Variants in SUSD6 observed in about 807,000 individuals in gnomAD.
SUSD6 encodes the protein sushi domain-containing protein 6.
SUSD6 carries 16 observed loss-of-function variants against 28.4 expected under a neutral mutation model. The observed-to-expected ratio is 0.56, with a 90% confidence interval of 0.38 to 0.86. The LOEUF (loss-of-function observed/expected upper bound fraction) is 0.86, where lower values mean the gene tolerates loss of function less well. Ranked by LOEUF, SUSD6 falls within the 40% of genes least tolerant of loss-of-function variation. The pLI is 0.00. For synonymous variants in SUSD6, 147 were observed against 159.6 expected, an observed-to-expected ratio of 0.92 and a Z score of 0.59; for missense variants, 341 against 384.2, an observed-to-expected ratio of 0.89 and a Z score of 0.94.
chr14:69,660,904 C>T (rs1885652505), intron 2 of SUSD6, among the ~76,000 whole-genome samples: 1 of 152,190 alleles, frequency 6.6e-6, no homozygotes, highest in Admixed American at 6.5e-5. Context: ...GCCTGAAAAG[C>T]CTAAAATGTT....
intron 1 of SUSD6, among the ~76,000 whole-genome samples, chr14:69,623,218 G>A (rs1053740998): frequency 1.3e-5 from 2 of 152,144 alleles, no homozygotes; most frequent in Non-Finnish European, 2.9e-5. Flanking sequence ...ATGTATTTGT[G>A]TACTAATGGA....
intron 2 of SUSD6, among the ~76,000 whole-genome samples, chr14:69,661,957 G>C (rs1885668660): frequency 6.6e-6 from 1 of 151,956 alleles, no homozygotes; most frequent in African/African-American, 2.4e-5. Flanking sequence ...GCACCACCAT[G>C]CCCAGTTAAT....
chr14:69,661,365 A>G (rs903188809), intron 2 of SUSD6, among the ~76,000 whole-genome samples: 8 of 152,110 alleles, frequency 5.3e-5, no homozygotes, highest in African/African-American at 1.7e-4. Flanking sequence ...TACTGGCTGG[A>G]TAAAGGGATT....
Position 69,611,733 on chromosome 14 carries a change from G to A in SUSD6, c.-176G>A, listed in dbSNP as rs1207746773. ...AGAGCGAGCTAGACAAGGGCACGCG[G>A]GGCCTCGCCTAGACCCGAGAAGACT... On this transcript the variant is annotated 5_prime_UTR_variant, in exon 1 of 6. Coordinates refer to ENST00000342745, the MANE Select transcript of SUSD6 (RefSeq NM_014734.4). The A allele has an allele frequency of 6.6e-6, 1 of 151,346 alleles. No homozygotes were observed. Among genetic ancestry groups the A allele is most frequent in the Non-Finnish European group, 1.5e-5 (1 of 67,764 alleles). The allele number at this position is 151,346 out of a possible 1,614,324, so 9.4% of individuals were successfully genotyped here. A position where few individuals can be genotyped will look rare whatever the true frequency, so the allele number is the denominator to read the frequency against.
At chr14:69,702,204 G>A (rs1886322032) in intron 2 of SUSD6, among the ~76,000 whole-genome samples, 1 of 152,178 alleles carries the variant, frequency 6.6e-6, no homozygotes, top group Admixed American at 6.5e-5. Context: ...CAGGTTATTT[G>A]TCAGCAAAAT....
chr14:69,692,220 T>A (rs1886163944), intron 2 of SUSD6, among the ~76,000 whole-genome samples: 1 of 152,212 alleles, frequency 6.6e-6, no homozygotes, highest in Admixed American at 6.5e-5. Flanking sequence ...TGGCCCCACC[T>A]GAGATATGAA....
intron 1 of SUSD6, among the ~76,000 whole-genome samples, chr14:69,643,125 C>T (rs1885378408): frequency 6.6e-6 from 1 of 152,124 alleles, no homozygotes; most frequent in Admixed American, 6.5e-5. Flanking sequence ...GGATTACTGC[C>T]CTGTGCTGCC....
chr14:69,658,044 C>T (rs905275875), intron 1 of SUSD6, among the ~76,000 whole-genome samples: 17 of 152,246 alleles, frequency 1.1e-4, no homozygotes, highest in African/African-American at 4.1e-4. Flanking sequence ...CAGGCTGGGG[C>T]CCTCAGCTCC....
At chr14:69,707,323 T>C (rs1165624742) in intron 4 of SUSD6, among the ~76,000 whole-genome samples, 3 of 152,194 alleles carry the variant, frequency 2.0e-5, no homozygotes, top group African/African-American at 7.2e-5. Flanking sequence ...AAAAAAGGCA[T>C]GTTTATGTGT....
At chr14:69,678,569 G>A (rs1195232108) in intron 2 of SUSD6, among the ~76,000 whole-genome samples, 1 of 151,986 alleles carries the variant, frequency 6.6e-6, no homozygotes, top group Non-Finnish European at 1.5e-5. Flanking sequence ...TTGAGAGGCC[G>A]AGGTGGGCAG....
At chr14:69,657,216 G>A in intron 1 of SUSD6, among the ~76,000 whole-genome samples, 1 of 152,172 alleles carries the variant, frequency 6.6e-6, no homozygotes, top group Admixed American at 6.5e-5. Flanking sequence ...AGCACTTTGG[G>A]AGGCTGAGAT....
chr14:69,624,545 C>T (rs888609198), intron 1 of SUSD6, among the ~76,000 whole-genome samples: 1 of 151,922 alleles, frequency 6.6e-6, no homozygotes, highest in African/African-American at 2.4e-5. Flanking sequence ...CTCTGCCTCC[C>T]AGGTTCAAGC....
chr14:69,711,010 G>T lies in SUSD6; in HGVS notation c.*31G>T. On this transcript the variant is annotated 3_prime_UTR_variant, in exon 6 of 6. Coordinates refer to ENST00000342745, the MANE Select transcript of SUSD6 (RefSeq NM_014734.4). ...GCGGCCAGCCTTTCCTCTCTGCGAG[G>T]TTCTCTCAGCCCTTCCTCCCTCTCC... is the stretch of plus-strand genomic sequence containing the variant. 19 of 1,611,202 alleles carry T rather than the reference G, an allele frequency of 1.2e-5. No individual in the cohort carries two copies. Among genetic ancestry groups the T allele is most frequent in the Non-Finnish European group, 1.5e-5 (18 of 1,177,344 alleles).
intron 1 of SUSD6, among the ~76,000 whole-genome samples, chr14:69,657,319 G>A (rs1234079210): frequency 6.6e-6 from 1 of 152,204 alleles, no homozygotes; most frequent in African/African-American, 2.4e-5. Flanking sequence ...GCTGGGTGTG[G>A]TGGCGGGCAC....
intron 1 of SUSD6, among the ~76,000 whole-genome samples, chr14:69,645,997 G>A (rs145774314): frequency 2.2e-4 from 34 of 152,276 alleles, no homozygotes; most frequent in Admixed American, 5.9e-4. Flanking sequence ...TGATCCGCCC[G>A]CCTTGGCCTC....
chr14:69,629,940 A>G (rs1037804626), intron 1 of SUSD6, among the ~76,000 whole-genome samples: 11 of 152,276 alleles, frequency 7.2e-5, no homozygotes, highest in African/African-American at 2.4e-4. Flanking sequence ...GTGTCCATAA[A>G]CATTGTCTTG....
At chr14:69,614,437 A>G (rs1174962857) in intron 1 of SUSD6, among the ~76,000 whole-genome samples, 1 of 152,184 alleles carries the variant, frequency 6.6e-6, no homozygotes, top group Admixed American at 6.5e-5. Flanking sequence ...TTGGTGGGGC[A>G]GCAATTCCTG....
At position 69,638,446 on chromosome 14, in the gene SUSD6, GTGTGTGTGTGTGTAAT is replaced by G. The variant is rs1885298142; in HGVS notation, c.-80-20054_-80-20039del. On this transcript the variant is annotated intron_variant, in intron 1 of 5. Transcript: ENST00000342745. ...GGAGTGTGTGTGTGTGTGTGTGTGT[GTGTGTGTGTGTGTAAT>G]TGTGTGTGTGTGGGATTGAAGGATG... 2.0e-5 allele frequency among the ~76,000 whole-genome samples: 3 copies of G among 151,520 alleles called. No individual in the cohort carries two copies. The South Asian group carries it at 6.3e-4, about 32-fold the overall frequency.
rs368819471 is a variant in SUSD6, at chr14:69,713,836, GTTTTTTTTTT to G, written c.*2867_*2876del. 1 of 118,214 alleles carries G rather than the reference GTTTTTTTTTT, an allele frequency of 8.5e-6. No individual in the cohort carries two copies. The highest frequency in any genetic ancestry group is 3.1e-5 in the African/African-American group (1 of 32,042). 7.3% of individuals were successfully genotyped at this position (118,214 alleles called of 1,614,324 possible). ...TTTTGTTTGTTTGTTGTTGGTGTTT[GTTTTTTTTTT>G]TTTTTTTTTGGCACACTTGAGCTGA... On this transcript the variant is annotated 3_prime_UTR_variant, in exon 6 of 6. Transcript: ENST00000342745.
Sources: gnomAD v4.1 joint callset for allele counts (sites outside exome capture counted in the v4.1 genomes callset) on GRCh38, gnomAD v4.1.1 for gene constraint, MANE v1.5 for transcripts, NCBI Gene and HGNC (gene_info 2026-07-23, HGNC 2026-07-21) for gene names.